The following CTNNA3 variants were observed in gnomAD, a reference collection of about 807,000 sequenced individuals.
The protein encoded by CTNNA3 is catenin alpha 3.
A neutral mutation model predicts 95.7 loss-of-function variants in CTNNA3; 76 were observed. The ratio of observed to expected loss-of-function variants is 0.79; its 90% CI spans 0.66 to 0.96. CTNNA3 has a LOEUF of 0.96. Ranked by LOEUF, CTNNA3 falls within the 40% of genes least tolerant of loss-of-function variation. The pLI is 0.00. For synonymous variants in CTNNA3, 431 were observed against 374.4 expected, an observed-to-expected ratio of 1.15 and a Z score of -1.74; for missense variants, 1,191 against 1,089.8, an observed-to-expected ratio of 1.09 and a Z score of -1.31.
Position 67,613,373 on chromosome 10 carries a change from G to GA in CTNNA3, c.100-6325dup, listed in dbSNP as rs377684900. 8.9e-3 allele frequency among the ~76,000 whole-genome samples: 1,245 copies of GA among 139,380 alleles called. 23 individuals carry two copies. Among genetic ancestry groups the GA allele is most frequent in the African/African-American group, 0.03 (1,144 of 38,264 alleles). The allele number at this position is 139,380 out of a possible 152,430, so 91.4% of individuals were successfully genotyped here. ...ATAAACAAACAGTGGTTTACTGGATGAAAAAAAAAAAAGAATAAAACCCTA... is the reference window on the plus strand; with the variant it reads ...ATAAACAAACAGTGGTTTACTGGATGAAAAAAAAAAAAAGAATAAAACCCTA... On this transcript the variant is annotated intron_variant, in intron 2 of 17. Coordinates refer to ENST00000433211, the MANE Select transcript of CTNNA3 (RefSeq NM_013266.4).
At chr10:66,296,807 C>A (rs72799175) in intron 12 of CTNNA3, among the ~76,000 whole-genome samples, 7,236 of 152,052 alleles carry the variant, frequency 0.048, 262 homozygotes, top group Middle Eastern at 0.095. Flanking sequence ...TTAACACATC[C>A]ACAAGGCTTT....
chr10:66,533,939 T>C (rs187897819), intron 10 of CTNNA3, among the ~76,000 whole-genome samples: 103 of 152,216 alleles, frequency 6.8e-4, no homozygotes, highest in African/African-American at 2.4e-3. Flanking sequence ...AATGTACGTA[T>C]CATTTTATTT....
chr10:66,649,677 C>A (rs1324517672), intron 9 of CTNNA3, among the ~76,000 whole-genome samples: 1 of 152,212 alleles, frequency 6.6e-6, no homozygotes, highest in Non-Finnish European at 1.5e-5. Flanking sequence ...GCCCTGGGAT[C>A]CATGCCTGCT....
chr10:66,145,851 T>C (rs1441343232), intron 13 of CTNNA3, among the ~76,000 whole-genome samples: 1 of 152,168 alleles, frequency 6.6e-6, no homozygotes, highest in Admixed American at 6.6e-5. Context: ...ACTCACTAAG[T>C]GGCTTTCCTT....
chr10:67,143,605 C>G (rs1465566139), intron 7 of CTNNA3, among the ~76,000 whole-genome samples: 1 of 152,034 alleles, frequency 6.6e-6, no homozygotes, highest in African/African-American at 2.4e-5. Context: ...TTCACAGCAT[C>G]TTCACTGGGA....
intron 14 of CTNNA3, among the ~76,000 whole-genome samples, chr10:66,071,960 A>G (rs1172738401): frequency 6.6e-6 from 1 of 152,186 alleles, no homozygotes; most frequent in Non-Finnish European, 1.5e-5. Flanking sequence ...ATTTAACTCT[A>G]AAAGAGAGGT....
chr10:66,658,304 T>C (rs1381274435), intron 9 of CTNNA3, among the ~76,000 whole-genome samples: 1 of 152,020 alleles, frequency 6.6e-6, no homozygotes, highest in Non-Finnish European at 1.5e-5. Context: ...CTAGATTGGA[T>C]ACTCTCTAAA....
chr10:66,608,691 G>T (rs1418875193), intron 10 of CTNNA3, among the ~76,000 whole-genome samples: 1 of 152,110 alleles, frequency 6.6e-6, no homozygotes, highest in Non-Finnish European at 1.5e-5. Flanking sequence ...CAATGGGAAA[G>T]GATTCCCTGT....
At chr10:66,532,225 G>A (rs1006353884) in intron 10 of CTNNA3, among the ~76,000 whole-genome samples, 2 of 152,164 alleles carry the variant, frequency 1.3e-5, no homozygotes, top group African/African-American at 2.4e-5. Flanking sequence ...CCTTTTAGGA[G>A]GCTGAGGGAG....
intron 11 of CTNNA3, among the ~76,000 whole-genome samples, chr10:66,381,926 C>T (rs891013847): frequency 6.6e-6 from 1 of 152,152 alleles, no homozygotes; most frequent in Admixed American, 6.5e-5. Flanking sequence ...CAGATGTACA[C>T]TTTAATGACA....
intron 9 of CTNNA3, among the ~76,000 whole-genome samples, chr10:66,644,288 GTCTGTCTC>G (rs1169855706): frequency 1.8e-4 from 14 of 78,400 alleles, no homozygotes; most frequent in African/African-American, 8.8e-4. Flanking sequence ...CTGTCTGTCT[GTCTGTCTC>G]TCTCTCTCTC....
intron 7 of CTNNA3, among the ~76,000 whole-genome samples, chr10:66,807,926 G>A (rs1841720362): frequency 6.6e-6 from 1 of 151,974 alleles, no homozygotes; most frequent in Non-Finnish European, 1.5e-5. Flanking sequence ...CTTAGTCTAG[G>A]TTTTCTATTA....
intron 11 of CTNNA3, among the ~76,000 whole-genome samples, chr10:66,398,670 T>G (rs1442670355): frequency 6.6e-6 from 1 of 151,936 alleles, no homozygotes; most frequent in African/African-American, 2.4e-5. Flanking sequence ...CAGAACACTT[T>G]TTTTTAGTGC....
chr10:66,698,039 G>A (rs562068375), intron 9 of CTNNA3, among the ~76,000 whole-genome samples: 27 of 152,024 alleles, frequency 1.8e-4, no homozygotes, highest in African/African-American at 4.8e-4. Context: ...ATCTGAAAAC[G>A]GAATATTTCC....
At chr10:65,964,993 A>C (rs1009616454) in intron 17 of CTNNA3, among the ~76,000 whole-genome samples, 1 of 152,204 alleles carries the variant, frequency 6.6e-6, no homozygotes, top group Non-Finnish European at 1.5e-5. Flanking sequence ...TGACTAAACA[A>C]AATGCATTTT....
chr10:67,633,501 C>T (rs554660492), intron 2 of CTNNA3, among the ~76,000 whole-genome samples: 1 of 152,168 alleles, frequency 6.6e-6, no homozygotes, highest in African/African-American at 2.4e-5. Context: ...GTCAGTACCC[C>T]CACTGGGACA....
At chr10:66,383,640 A>G (rs2092861676) in intron 11 of CTNNA3, among the ~76,000 whole-genome samples, 2 of 152,160 alleles carry the variant, frequency 1.3e-5, no homozygotes, top group Admixed American at 6.5e-5. Context: ...AAGACACATG[A>G]TTGTCAGATT....
intron 5 of CTNNA3, among the ~76,000 whole-genome samples, chr10:67,446,037 A>G (rs970714360): frequency 3.9e-5 from 6 of 152,180 alleles, no homozygotes; most frequent in African/African-American, 1.4e-4. Context: ...TAAAGCATAG[A>G]TGGCAAGTTA....
At chr10:66,442,870 C>T (rs1221900399) in intron 11 of CTNNA3, among the ~76,000 whole-genome samples, 6 of 152,254 alleles carry the variant, frequency 3.9e-5, no homozygotes, top group Admixed American at 6.5e-5. Context: ...CTGCCTCACT[C>T]GGGAAGCGCA....
Sources: allele counts gnomAD v4.1 joint callset (sites outside exome capture counted in the v4.1 genomes callset), GRCh38; gene constraint gnomAD v4.1.1; transcripts MANE v1.5; gene names NCBI Gene and HGNC (gene_info 2026-07-23, HGNC 2026-07-21).